The following CDR2 variants were observed in gnomAD, a reference collection of about 807,000 sequenced individuals.
The protein encoded by CDR2 is cerebellar degeneration-related protein 2.
CDR2 carries 34 observed loss-of-function variants against 48.4 expected under a neutral mutation model. The ratio of observed to expected loss-of-function variants is 0.70; its 90% CI spans 0.53 to 0.94. CDR2 has a LOEUF of 0.94. Ranked by LOEUF, CDR2 falls within the 40% of genes least tolerant of loss-of-function variation. The pLI, the probability that CDR2 is intolerant of heterozygous loss-of-function variation, is 0.00. For synonymous variants in CDR2, 240 were observed against 219.7 expected (o/e 1.09, Z -0.82); for missense variants, 498 against 549.5 (o/e 0.91, Z 0.94).
chr16:22,347,472 G>A lies in CDR2; in HGVS notation c.858C>T (p.Pro286=), dbSNP rs1417957894. The change falls in exon 5 of 5, where the codon CCC becomes CCT. Residue 286 remains proline, a synonymous_variant. Transcript: ENST00000268383. The part of the protein sequence containing the change: ...PDSLYVPFKE[P]SQSLLEEMFL... ...ACATCTCTTCCAGCAGGCTCTGGCT[G>A]GGCTCTTTGAAAGGAACATACAGAG... The A allele has an allele frequency of 6.2e-7, 1 of 1,613,868 alleles. No homozygotes were observed. The highest frequency in any genetic ancestry group is 8.5e-7 in the Non-Finnish European group (1 of 1,180,014).
intron 2 of CDR2, among the ~76,000 whole-genome samples, chr16:22,357,268 T>G (rs1157162661): frequency 6.6e-6 from 1 of 152,132 alleles, no homozygotes; most frequent in Non-Finnish European, 1.5e-5. Flanking sequence ...GGGCTGGTCT[T>G]GAACTCCTGA....
chr16:22,347,486 G>T lies in CDR2; in HGVS notation c.844C>A (p.Pro282Thr), dbSNP rs138284829. ...EKLVPDSLYV[P>T]FKEPSQSLLE... ...AGGCTCTGGCTGGGCTCTTTGAAAGGAACATACAGAGAGTCTGGCACCAGC... is the reference window on the plus strand; with the variant it reads ...AGGCTCTGGCTGGGCTCTTTGAAAGTAACATACAGAGAGTCTGGCACCAGC... The change falls in exon 5 of 5, where the codon CCT becomes ACT. Residue 282 changes from proline to threonine, a missense_variant. Physicochemically the swap from Pro to Thr is conservative, Grantham distance 38. Coordinates refer to ENST00000268383, the MANE Select transcript of CDR2 (RefSeq NM_001802.2). The T allele has an allele frequency of 6.2e-7, 1 of 1,613,918 alleles. No individual in the cohort carries two copies. The highest frequency in any genetic ancestry group is 1.3e-5 in the African/African-American group (1 of 74,918).
intron 2 of CDR2, among the ~76,000 whole-genome samples, chr16:22,352,165 T>C (rs981463986): frequency 6.6e-6 from 1 of 152,148 alleles, no homozygotes; most frequent in Non-Finnish European, 1.5e-5. Flanking sequence ...GGCATGAGAA[T>C]CTTTTGAACG....
Position 22,347,128 on chromosome 16 carries a change from C to T in CDR2, c.1202G>A (p.Ser401Asn), listed in dbSNP as rs1169385127. 1 of 1,614,270 alleles carries T rather than the reference C, an allele frequency of 6.2e-7. No homozygotes were observed. Among genetic ancestry groups the T allele is most frequent in the South Asian group, 1.1e-5 (1 of 91,090 alleles). Residue 401 changes from serine (S) to asparagine (N), a missense_variant, in exon 5 of 5, where the codon AGC (serine) becomes AAC (asparagine). Physicochemically the swap from Ser to Asn is conservative, Grantham distance 46 (BLOSUM62 1). Coordinates refer to ENST00000268383, the MANE Select transcript of CDR2 (RefSeq NM_001802.2). ...GTTGACAGAGGCCAGTTCCCAGCCG[C>T]TGGCAACAGGCTCAGACTGGGCGTT... Reference protein sequence around the residue: ...GVNAQSEPVASGWELASVNPE... With the variant: ...GVNAQSEPVANGWELASVNPE...
intron 2 of CDR2, among the ~76,000 whole-genome samples, chr16:22,352,436 C>T (rs1400363836): frequency 6.6e-6 from 1 of 151,746 alleles, no homozygotes; most frequent in Non-Finnish European, 1.5e-5. Flanking sequence ...CTTAACCTAA[C>T]TTCAACTTTC....
chr16:22,347,937 A>T, intron 4 of CDR2, 114 bp from the exon 5 acceptor site: 6 of 1,025,418 alleles, frequency 5.9e-6, no homozygotes, highest in Admixed American at 2.6e-5. Flanking sequence ...ACAGTGACTA[A>T]TTTTTTTTTC....
At chr16:22,374,147 A>G (rs575835357) in intron 1 of CDR2, 84 bp downstream of exon 1, 14 of 924,928 alleles carry the variant, frequency 1.5e-5, no homozygotes, top group Non-Finnish European at 2.1e-5. Flanking sequence ...CTCCGCCGCC[A>G]CAAAAAGCAA....
At chr16:22,349,159 T>C (rs892399615) in intron 4 of CDR2, 120 bp downstream of exon 4, 1 of 1,007,008 alleles carries the variant, frequency 9.9e-7, no homozygotes, top group African/African-American at 1.6e-5. Context: ...TTCAAACCAA[T>C]GGTAGCTTAA....
chr16:22,355,179 GT>G (rs879370548), intron 2 of CDR2, among the ~76,000 whole-genome samples: 1 of 152,072 alleles, frequency 6.6e-6, no homozygotes, highest in Non-Finnish European at 1.5e-5. Flanking sequence ...CATCTATTAC[GT>G]TTCAGCATTA....
rs529678025 is a variant in CDR2, at chr16:22,364,114, A to AT, written c.192+787dup. Among the ~76,000 whole-genome samples the AT allele has an allele frequency of 2.2e-4, 33 of 150,354 alleles. No homozygotes were observed. In the East Asian group the frequency reaches 2.7e-3, roughly 12 times the overall value. ...GCCACCACACCAGCCTAATTTTTGTATTTTTTTTTGTAGAGATGGGGTTTT... is the reference window on the plus strand; with the variant it reads ...GCCACCACACCAGCCTAATTTTTGTATTTTTTTTTTGTAGAGATGGGGTTTT... On this transcript the variant is annotated intron_variant, in intron 2 of 4. Transcript: ENST00000268383.
Position 22,346,899 on chromosome 16 carries a change from A to G in CDR2, c.*66T>C, listed in dbSNP as rs545060299. 1.6e-5 allele frequency: 24 copies of G among 1,516,924 alleles called. No individual in the cohort carries two copies. The South Asian group carries it at 2.9e-4, about 18-fold the overall frequency. 94.0% of individuals were successfully genotyped at this position (1,516,924 alleles called of 1,614,324 possible). A position where few individuals can be genotyped will look rare whatever the true frequency, so the allele number is the denominator to read the frequency against. ...ACATTAGGCTTCAGAGTCTACAAAC[A>G]CTTGTCTGAATGGGAGAGAGAGGCG... On this transcript the variant is annotated 3_prime_UTR_variant, in exon 5 of 5. Coordinates refer to ENST00000268383, the MANE Select transcript of CDR2 (RefSeq NM_001802.2).
At chr16:22,369,392 C>G (rs932819941) in intron 1 of CDR2, among the ~76,000 whole-genome samples, 1 of 152,140 alleles carries the variant, frequency 6.6e-6, no homozygotes, top group African/African-American at 2.4e-5. Flanking sequence ...TATGGAACTA[C>G]CTGTGCTACT....
At chr16:22,358,693 C>T (rs1480438939) in intron 2 of CDR2, among the ~76,000 whole-genome samples, 1 of 152,104 alleles carries the variant, frequency 6.6e-6, no homozygotes, top group Admixed American at 6.5e-5. Flanking sequence ...AATGAACTTC[C>T]ACAATAATAA....
intron 1 of CDR2, 85 bp downstream of exon 1, chr16:22,374,146 C>T: frequency 1.1e-6 from 1 of 905,380 alleles, no homozygotes; most frequent in Non-Finnish European, 1.7e-6. Context: ...CCTCCGCCGC[C>T]ACAAAAAGCA....
At chr16:22,371,858 G>A (rs887685685) in intron 1 of CDR2, among the ~76,000 whole-genome samples, 1 of 147,378 alleles carries the variant, frequency 6.8e-6, no homozygotes, top group African/African-American at 2.5e-5. Context: ...ATGTGTGTGT[G>A]TGTGTGTGTG....
At chr16:22,365,107 G>C in intron 1 of CDR2, 93 bp from the exon 2 acceptor site, 1 of 819,814 alleles carries the variant, frequency 1.2e-6, no homozygotes, top group East Asian at 2.6e-5. Context: ...TGTAGTTTAA[G>C]TCACATCCCA....
chr16:22,362,959 T>TC (rs976035010), intron 2 of CDR2, among the ~76,000 whole-genome samples: 4 of 151,790 alleles, frequency 2.6e-5, no homozygotes, highest in Admixed American at 1.3e-4. Context: ...TAGGTCTTTT[T>TC]TTTTTTTTTT....
At position 22,346,128 on chromosome 16, in the gene CDR2, T is replaced by C. The variant is rs2048902350; in HGVS notation, c.*837A>G. ...ACATTTACAGGAATGGTAAGAACTCTGCAAGAGCAGCTTGTGGCTGGCAAG... is the reference window on the plus strand; with the variant it reads ...ACATTTACAGGAATGGTAAGAACTCCGCAAGAGCAGCTTGTGGCTGGCAAG... On this transcript the variant is annotated 3_prime_UTR_variant, in exon 5 of 5. Coordinates refer to ENST00000268383, the MANE Select transcript of CDR2 (RefSeq NM_001802.2). 1 of 152,476 alleles carries C rather than the reference T, an allele frequency of 6.6e-6. No individual in the cohort carries two copies. The highest frequency in any genetic ancestry group is 2.1e-4 in the South Asian group (1 of 4,836). The allele number at this position is 152,476 out of a possible 1,614,324, so 9.4% of individuals were successfully genotyped here. A position where few individuals can be genotyped will look rare whatever the true frequency, so the allele number is the denominator to read the frequency against.
chr16:22,361,959 T>TG (rs574775620), intron 2 of CDR2, among the ~76,000 whole-genome samples: 1 of 145,052 alleles, frequency 6.9e-6, no homozygotes, highest in Non-Finnish European at 1.5e-5. Context: ...TGGAGTGCAG[T>TG]GGCACGATCT....
Sources: gnomAD v4.1 joint callset for allele counts (sites outside exome capture counted in the v4.1 genomes callset) on GRCh38, gnomAD v4.1.1 for gene constraint, MANE v1.5 for transcripts, NCBI Gene and HGNC (gene_info 2026-07-23, HGNC 2026-07-21) for gene names.